Variants in TYW1 observed in about 807,000 individuals in gnomAD.
TYW1 encodes tRNA-yW synthesizing protein 1 homolog, also known as S-adenosyl-L-methionine-dependent tRNA 4-demethylwyosine synthase TYW1.
In TYW1, 46 loss-of-function variants were observed where a neutral mutation model predicts 96.2. The observed-to-expected ratio is 0.48, with a 90% CI of 0.38 to 0.61. The LOEUF (loss-of-function observed/expected upper bound fraction) is 0.61. Ranked by LOEUF, TYW1 falls within the 20% of genes least tolerant of loss-of-function variation. TYW1 has a pLI of 0.00. For synonymous variants in TYW1, 274 were observed against 323.0 expected (o/e 0.85, Z 1.63); for missense variants, 684 against 909.6 (o/e 0.75, Z 3.19).
At chr7:67,013,007 T>C (rs572708273) in intron 4 of TYW1, among the ~76,000 whole-genome samples, 58 of 152,128 alleles carry the variant, frequency 3.8e-4, no homozygotes, top group Non-Finnish European at 5.6e-4. Context: ...TTTGCAACAG[T>C]TCTGTTTAGA....
rs367691611 is a variant in TYW1 at position 67,063,854 on chromosome 7, A to G, written c.1156-3431A>G. Reference sequence around the variant, plus strand: ...CCTGACCTTGTGATCCGCCCACCTCAGCCTCCCAAAGTGCTGGATTACAGG... The same window carrying G: ...CCTGACCTTGTGATCCGCCCACCTCGGCCTCCCAAAGTGCTGGATTACAGG... On this transcript the variant is annotated intron_variant, in intron 9 of 15. Transcript: ENST00000359626. Among the ~76,000 whole-genome samples, 39 of 133,782 alleles carry G rather than the reference A, an allele frequency of 2.9e-4. No individual in the cohort carries two copies. In the East Asian group the frequency reaches 7.2e-3, roughly 25 times the overall value. 87.8% of individuals were successfully genotyped at this position (133,782 alleles called of 152,430 possible).
chr7:67,029,163 T>C (rs1794559164), intron 7 of TYW1, among the ~76,000 whole-genome samples: 1 of 151,854 alleles, frequency 6.6e-6, no homozygotes, highest in African/African-American at 2.4e-5. Flanking sequence ...TGCGCCCAGC[T>C]AATTTTTTGT....
chr7:67,162,127 T>G (rs1446120494), intron 13 of TYW1, among the ~76,000 whole-genome samples: 2 of 151,818 alleles, frequency 1.3e-5, no homozygotes, highest in African/African-American at 4.8e-5. Context: ...AAACCCTGTC[T>G]CTATTAAAAA....
chr7:67,001,114 C>T (rs1005682297), intron 3 of TYW1, among the ~76,000 whole-genome samples: 11 of 152,170 alleles, frequency 7.2e-5, no homozygotes, highest in Non-Finnish European at 1.5e-4. Flanking sequence ...AAAGATCAAA[C>T]GAATACTTGC....
chr7:67,210,709 T>TCCA (rs1584700573), intron 15 of TYW1, among the ~76,000 whole-genome samples: 2 of 82,556 alleles, frequency 2.4e-5, no homozygotes, highest in East Asian at 2.2e-4. Context: ...CATCCATCCA[T>TCCA]TCATCATCTG....
rs1801875737 is a variant in TYW1, at chr7:67,235,966, T to C, written c.1978-2342T>C. Among the ~76,000 whole-genome samples the C allele has an allele frequency of 3.2e-5, 4 of 126,900 alleles. No homozygotes were observed. The Admixed American group carries it at 3.2e-4, about 10-fold the overall frequency. 83.3% of individuals were successfully genotyped at this position (126,900 alleles called of 152,430 possible). ...CTCGCATGTCCTGGGTGATGGCATA[T>C]GTTGTTAAGTTCCTATATTCACAGA... On this transcript the variant is annotated intron_variant, in intron 15 of 15. Transcript: ENST00000359626.
intron 13 of TYW1, among the ~76,000 whole-genome samples, chr7:67,152,391 C>T (rs1306575618): frequency 6.6e-6 from 1 of 152,100 alleles, no homozygotes; most frequent in Non-Finnish European, 1.5e-5. Flanking sequence ...CATCAGTTTC[C>T]TCTTGAAACT....
At chr7:67,055,596 TA>T (rs376462145) in intron 8 of TYW1, among the ~76,000 whole-genome samples, 10,266 of 139,798 alleles carry the variant, frequency 0.073, 450 homozygotes, top group South Asian at 0.13. Flanking sequence ...GGGACTGTCT[TA>T]AAAAAAAAAA....
At chr7:67,174,589 AC>A (rs1799609519) in intron 13 of TYW1, among the ~76,000 whole-genome samples, 1 of 141,916 alleles carries the variant, frequency 7.0e-6, no homozygotes, top group Admixed American at 7.2e-5. Context: ...GTTAATTGGT[AC>A]CCACAATGTT....
chr7:67,113,093 T>G (rs1378022615), intron 12 of TYW1, among the ~76,000 whole-genome samples: 1 of 152,146 alleles, frequency 6.6e-6, no homozygotes, highest in Non-Finnish European at 1.5e-5. Flanking sequence ...ATTCTCTTCC[T>G]GATGAACTCT....
chr7:67,015,911 C>T (rs1178778751), intron 5 of TYW1, among the ~76,000 whole-genome samples: 5 of 149,000 alleles, frequency 3.4e-5, no homozygotes, highest in Admixed American at 6.7e-5. Flanking sequence ...TGCAGTGAGC[C>T]GAGATCTCAC....
chr7:67,187,490 A>G (rs1261495993), intron 14 of TYW1, among the ~76,000 whole-genome samples: 2 of 152,242 alleles, frequency 1.3e-5, no homozygotes, highest in Non-Finnish European at 2.9e-5. Flanking sequence ...CCTGCAATGA[A>G]TGTCAAATGC....
At chr7:67,047,783 ATTTTTTT>A (rs36007120) in intron 7 of TYW1, among the ~76,000 whole-genome samples, 20 of 79,890 alleles carry the variant, frequency 2.5e-4, no homozygotes, top group Admixed American at 4.9e-4. Context: ...GTGAGTGTCA[ATTTTTTT>A]TTTTTTTTTT....
intron 13 of TYW1, among the ~76,000 whole-genome samples, chr7:67,140,937 T>G (rs1245645663): frequency 1.3e-5 from 2 of 152,226 alleles, no homozygotes; most frequent in African/African-American, 2.4e-5. Context: ...GAGGGAGACC[T>G]TTGGCTGTAT....
intron 10 of TYW1, among the ~76,000 whole-genome samples, chr7:67,071,678 T>C (rs959394040): frequency 1.3e-5 from 2 of 152,036 alleles, no homozygotes; most frequent in Admixed American, 6.6e-5. Flanking sequence ...TGGAGTGCAG[T>C]GGCACAATCT....
At chr7:67,054,654 A>G (rs1186447895) in intron 8 of TYW1, among the ~76,000 whole-genome samples, 1 of 152,198 alleles carries the variant, frequency 6.6e-6, no homozygotes, top group Non-Finnish European at 1.5e-5. Flanking sequence ...TTAACCAGCC[A>G]CTGATCCACT....
intron 9 of TYW1, among the ~76,000 whole-genome samples, chr7:67,063,947 G>T (rs2115650932): frequency 6.6e-6 from 1 of 152,178 alleles, no homozygotes; most frequent in African/African-American, 2.4e-5. Context: ...AAACTAAAAA[G>T]TTCATTTACA....
chr7:67,010,015 C>A (rs1325347789), intron 4 of TYW1, among the ~76,000 whole-genome samples: 2 of 149,922 alleles, frequency 1.3e-5, no homozygotes, highest in Non-Finnish European at 3.0e-5. Context: ...TGGAGTCTCA[C>A]TATGTCACCC....
At chr7:67,008,687 A>AT (rs1793685721) in intron 3 of TYW1, among the ~76,000 whole-genome samples, 1 of 151,420 alleles carries the variant, frequency 6.6e-6, no homozygotes, top group African/African-American at 2.4e-5. Context: ...TTTATTTTGG[A>AT]GATGGAGTTT....
Sources: gnomAD v4.1 joint callset for allele counts (sites outside exome capture counted in the v4.1 genomes callset) on GRCh38, gnomAD v4.1.1 for gene constraint, MANE v1.5 for transcripts, NCBI Gene and HGNC (gene_info 2026-07-23, HGNC 2026-07-21) for gene names.